LRMDA: variants seen among roughly 807,000 people sequenced by gnomAD.
The protein encoded by LRMDA is leucine-rich melanocyte differentiation-associated protein.
Under a neutral mutation model 29.8 loss-of-function variants are expected in LRMDA, and 18 were observed. The observed-to-expected ratio is 0.60, with a 90% CI of 0.42 to 0.90. The LOEUF (loss-of-function observed/expected upper bound fraction) is 0.90. LRMDA is among the 40% of genes least tolerant of loss of function. The pLI, the probability that LRMDA is intolerant of heterozygous loss-of-function variation, is 0.00. For missense variants in LRMDA, 273 were observed against 273.9 expected (o/e 1.00, Z 0.02); for synonymous variants, 125 against 109.4 (o/e 1.14, Z -0.89).
chr10:75,664,340 T>C (rs1455569394), intron 2 of LRMDA, among the ~76,000 whole-genome samples: 1 of 152,108 alleles, frequency 6.6e-6, no homozygotes, highest in East Asian at 1.9e-4. Flanking sequence ...CTGTATTAGG[T>C]AGTAGAGAGG....
intron 2 of LRMDA, among the ~76,000 whole-genome samples, chr10:75,603,188 T>C (rs1487848045): frequency 6.6e-6 from 1 of 152,116 alleles, no homozygotes; most frequent in Non-Finnish European, 1.5e-5. Context: ...AGTTTTTTTT[T>C]TTTTTTAAGT....
chr10:75,773,036 A>G (rs1843265247), intron 2 of LRMDA, among the ~76,000 whole-genome samples: 1 of 152,206 alleles, frequency 6.6e-6, no homozygotes, highest in Non-Finnish European at 1.5e-5. Flanking sequence ...AAATTTGTTC[A>G]GAAAAGTATC....
chr10:76,518,404 G>A (rs910899405), intron 6 of LRMDA, among the ~76,000 whole-genome samples: 3 of 151,912 alleles, frequency 2.0e-5, no homozygotes, highest in African/African-American at 2.4e-5. Context: ...TACTGGGGAC[G>A]AAGAGGACCT....
chr10:75,702,690 A>G (rs1385960899), intron 2 of LRMDA, among the ~76,000 whole-genome samples: 2 of 152,212 alleles, frequency 1.3e-5, no homozygotes, highest in Admixed American at 1.3e-4. Flanking sequence ...TTATTGCCAT[A>G]TTTTTGAAAT....
At chr10:76,361,707 A>G (rs1309713885) in intron 6 of LRMDA, among the ~76,000 whole-genome samples, 1 of 152,180 alleles carries the variant, frequency 6.6e-6, no homozygotes, top group East Asian at 1.9e-4. Flanking sequence ...ACCAAAGAAC[A>G]CTATATAAAC....
intron 6 of LRMDA, among the ~76,000 whole-genome samples, chr10:76,460,711 T>C (rs1036544888): frequency 1.3e-5 from 2 of 152,176 alleles, no homozygotes; most frequent in African/African-American, 4.8e-5. Flanking sequence ...GAAGGGTGGA[T>C]GGGAAGCATT....
chr10:76,375,422 G>T (rs1841504683), intron 6 of LRMDA, among the ~76,000 whole-genome samples: 1 of 152,026 alleles, frequency 6.6e-6, no homozygotes, highest in Non-Finnish European at 1.5e-5. Context: ...ATCTGGCTTT[G>T]ATTTCACAAG....
intron 2 of LRMDA, among the ~76,000 whole-genome samples, chr10:75,604,322 A>C (rs1163433536): frequency 6.6e-6 from 1 of 152,276 alleles, no homozygotes; most frequent in East Asian, 1.9e-4. Context: ...CTTGGGGTGA[A>C]ATATAGTGAA....
intron 2 of LRMDA, among the ~76,000 whole-genome samples, chr10:76,035,654 G>T (rs1848228826): frequency 6.6e-6 from 1 of 152,150 alleles, no homozygotes; most frequent in Non-Finnish European, 1.5e-5. Context: ...ATTTATCTTG[G>T]GAATGGAGGT....
At chr10:76,460,101 C>T (rs1263890038) in intron 6 of LRMDA, among the ~76,000 whole-genome samples, 1 of 152,178 alleles carries the variant, frequency 6.6e-6, no homozygotes, top group Non-Finnish European at 1.5e-5. Flanking sequence ...TATTTAGTGA[C>T]TGGCCTGTGA....
intron 2 of LRMDA, among the ~76,000 whole-genome samples, chr10:75,662,639 AC>A (rs1264008409): frequency 6.6e-6 from 1 of 152,144 alleles, no homozygotes; most frequent in African/African-American, 2.4e-5. Context: ...AAGCGCAATT[AC>A]CCTGAATGAG....
At chr10:76,272,137 A>G (rs951179253) in intron 5 of LRMDA, among the ~76,000 whole-genome samples, 1 of 152,234 alleles carries the variant, frequency 6.6e-6, no homozygotes, top group African/African-American at 2.4e-5. Context: ...CATTAAAGGT[A>G]AAGGTCTCAG....
At chr10:76,199,005 A>G (rs760495330) in intron 5 of LRMDA, among the ~76,000 whole-genome samples, 1 of 152,268 alleles carries the variant, frequency 6.6e-6, no homozygotes, top group East Asian at 1.9e-4. Context: ...TTGGAAGAGG[A>G]ATATCTTCAT....
At chr10:76,373,095 A>G (rs541169887) in intron 6 of LRMDA, among the ~76,000 whole-genome samples, 1 of 152,248 alleles carries the variant, frequency 6.6e-6, no homozygotes, top group South Asian at 2.1e-4. Context: ...GTGTTTCTCA[A>G]ATATATTTAA....
chr10:75,564,182 G>A (rs1392282653), intron 2 of LRMDA, among the ~76,000 whole-genome samples: 1 of 152,168 alleles, frequency 6.6e-6, no homozygotes, highest in African/African-American at 2.4e-5. Flanking sequence ...GTGGTGGGCT[G>A]CACCCAGTTG....
At chr10:76,407,818 T>C (rs1436653055) in intron 6 of LRMDA, among the ~76,000 whole-genome samples, 1 of 152,242 alleles carries the variant, frequency 6.6e-6, no homozygotes, top group African/African-American at 2.4e-5. Context: ...CTACACTTAA[T>C]AGGAGACCAA....
chr10:75,753,528 T>C (rs143855204), intron 2 of LRMDA, among the ~76,000 whole-genome samples: 3 of 152,018 alleles, frequency 2.0e-5, no homozygotes, highest in Non-Finnish European at 2.9e-5. Context: ...GGGGACAGCA[T>C]GTGCAAAGGC....
At chr10:76,138,163 C>A (rs1267425275) in intron 5 of LRMDA, among the ~76,000 whole-genome samples, 2 of 152,074 alleles carry the variant, frequency 1.3e-5, no homozygotes, top group African/African-American at 4.8e-5. Context: ...AATTTACAGA[C>A]CAATTAGGAT....
At chr10:76,030,979 C>T (rs7086089) in intron 2 of LRMDA, among the ~76,000 whole-genome samples, 12,726 of 152,168 alleles carry the variant, frequency 0.084, 831 homozygotes, top group East Asian at 0.24. Flanking sequence ...AAGGAGCTGC[C>T]GTGTGCCAGG....
Sources: allele counts gnomAD v4.1 joint callset (sites outside exome capture counted in the v4.1 genomes callset), GRCh38; gene constraint gnomAD v4.1.1; transcripts MANE v1.5; gene names NCBI Gene and HGNC (gene_info 2026-07-23, HGNC 2026-07-21).